The following EWSR1 variants were observed in gnomAD, a reference collection of about 807,000 sequenced individuals.
EWSR1 encodes EWS RNA binding protein 1, also known as RNA-binding protein EWS.
A neutral mutation model predicts 92.1 loss-of-function variants in EWSR1; 14 were observed. The observed-to-expected ratio is 0.15, with a 90% CI of 0.10 to 0.24. EWSR1 has a LOEUF of 0.24. EWSR1 is among the 10% of genes least tolerant of loss of function. The pLI is 1.00. For synonymous variants in EWSR1, 303 were observed against 292.9 expected (o/e 1.03, Z -0.35); for missense variants, 637 against 870.9 (o/e 0.73, Z 3.38).
At chr22:29,292,441 C>T (rs2060506021) in intron 10 of EWSR1, 47 bp from the exon 11 acceptor site, 1 of 1,285,554 alleles carries the variant, frequency 7.8e-7, no homozygotes, top group Admixed American at 1.7e-5. Context: ...TTAAGAAACC[C>T]CTATAGATAC....
chr22:29,292,161 T>G lies in EWSR1; in HGVS notation c.1037T>G (p.Leu346Arg). The G allele has an allele frequency of 6.2e-7, 1 of 1,614,022 alleles. No individual in the cohort carries two copies. The highest frequency in any genetic ancestry group is 1.1e-5 in the South Asian group (1 of 91,074). The change falls in exon 10 of 17, where the codon CTT becomes CGT. Residue 346 changes from leucine to arginine, a missense_variant. Physicochemically the swap from Leu to Arg is moderately radical, Grantham distance 102 (BLOSUM62 -2). Around this residue, in one of 5 missense-constraint regions of EWSR1, gnomAD observed 363 missense variants for 447.8 expected, o/e 0.81. Transcript: ENST00000397938. ...GGACCCATGGATGAAGGACCAGATC[T>G]TGATCTAGGTAATTTTGAATTCTAG... is the stretch of plus-strand genomic sequence containing the variant. ...PGGPMDEGPD[L>R]DLGPPVDPDE...
intron 7 of EWSR1, among the ~76,000 whole-genome samples, chr22:29,287,761 C>T (rs924267771): frequency 6.6e-6 from 1 of 152,158 alleles, no homozygotes; most frequent in African/African-American, 2.4e-5. Context: ...AATTCAACAT[C>T]GTTTTTGGCC....
At chr22:29,285,919 G>T (rs2059988447) in intron 6 of EWSR1, among the ~76,000 whole-genome samples, 1 of 152,146 alleles carries the variant, frequency 6.6e-6, no homozygotes, top group East Asian at 1.9e-4. Context: ...CTCACTGCAA[G>T]CTCCGCCTCC....
intron 6 of EWSR1, 106 bp downstream of exon 6, chr22:29,282,663 G>A (rs1204440801): frequency 2.2e-6 from 2 of 923,038 alleles, no homozygotes; most frequent in Non-Finnish European, 3.1e-6. Flanking sequence ...TTATCTGACT[G>A]TCGCAGTGAT....
Position 29,274,252 on chromosome 22 carries a change from G to A in EWSR1, c.226+388G>A, listed in dbSNP as rs1452986078. On this transcript the variant is annotated intron_variant, in intron 4 of 16. Coordinates refer to ENST00000397938, the MANE Select transcript of EWSR1 (RefSeq NM_005243.4). ...TAGTGTACCCTCTACTTTTTGTTTT[G>A]TGCTTTCCACAGTAGAAGGGACCAG... 3.1e-6 allele frequency: 5 copies of A among 1,612,526 alleles called. No individual in the cohort carries two copies. In the East Asian group the frequency reaches 8.9e-5, roughly 29 times the overall value.
Position 29,290,467 on chromosome 22 carries a change from AG to A in EWSR1, c.975-1094del, listed in dbSNP as rs745595399. ...CAATACTTAAAAAGTACCCGTACTC[AG>A]TACTCAGCCGGCAGCATAATGAAAA... On this transcript the variant is annotated intron_variant, in intron 8 of 16. Coordinates refer to ENST00000397938, the MANE Select transcript of EWSR1 (RefSeq NM_005243.4). The A allele has an allele frequency of 5.2e-5, 84 of 1,613,540 alleles. No homozygotes were observed. In the East Asian group the frequency reaches 1.7e-3, roughly 33 times the overall value.
At chr22:29,293,623 G>A (rs1242548092) in intron 11 of EWSR1, among the ~76,000 whole-genome samples, 1 of 152,204 alleles carries the variant, frequency 6.6e-6, no homozygotes, top group African/African-American at 2.4e-5. Flanking sequence ...GGAGTGCAGT[G>A]GCACGATCTC....
In EWSR1 at chr22:29,283,566, CCCA is replaced by C. The variant is rs1317577201; in HGVS notation, c.581+1010_581+1012del. Among the ~76,000 whole-genome samples, 139 of 151,388 alleles carry C rather than the reference CCCA, an allele frequency of 9.2e-4. 2 individuals carry two copies. Among genetic ancestry groups the C allele is most frequent in the Admixed American group, 2.8e-3 (43 of 15,282 alleles). ...TTGAGATGGAGTTTCGCTCTTGTTG[CCCA>C]GGCTGGAGTGCAATGGCACAATCTC... On this transcript the variant is annotated intron_variant, in intron 6 of 16. Coordinates refer to ENST00000397938, the MANE Select transcript of EWSR1 (RefSeq NM_005243.4).
chr22:29,283,351 C>T (rs2059761427), intron 6 of EWSR1, among the ~76,000 whole-genome samples: 2 of 152,068 alleles, frequency 1.3e-5, no homozygotes. Flanking sequence ...TTATTATTAT[C>T]GCCTGGCCAA....
intron 1 of EWSR1, among the ~76,000 whole-genome samples, chr22:29,268,852 G>A (rs1308295610): frequency 6.6e-6 from 1 of 152,230 alleles, no homozygotes; most frequent in Non-Finnish European, 1.5e-5. Flanking sequence ...GAGGGGTGCC[G>A]GCCTATGAGC....
chr22:29,299,350 A>G lies in EWSR1; in HGVS notation c.1678+19A>G, dbSNP rs1297736352. Reference sequence around the variant, plus strand: ...CCCCCGGGTAGGTGCAGGTTTCATGAGTGTCCCCTCAGCTTCCTGGTGCTA... The same window carrying G: ...CCCCCGGGTAGGTGCAGGTTTCATGGGTGTCCCCTCAGCTTCCTGGTGCTA... On this transcript the variant is annotated intron_variant, in intron 15 of 16. Coordinates refer to ENST00000397938, the MANE Select transcript of EWSR1 (RefSeq NM_005243.4). 1 of 1,608,082 alleles carries G rather than the reference A, an allele frequency of 6.2e-7. No individual in the cohort carries two copies. Among genetic ancestry groups the G allele is most frequent in the Non-Finnish European group, 8.5e-7 (1 of 1,175,376 alleles).
intron 11 of EWSR1, 45 bp from the exon 12 acceptor site, chr22:29,296,194 A>G (rs1266604155): frequency 1.9e-6 from 3 of 1,573,746 alleles, no homozygotes; most frequent in Non-Finnish European, 2.6e-6. Flanking sequence ...TTTCTCCCAA[A>G]TTAGTATATT....
At chr22:29,277,023 A>G in intron 4 of EWSR1, 1 of 230,626 alleles carries the variant, frequency 4.3e-6, no homozygotes, top group Non-Finnish European at 8.6e-6. Context: ...AAGGTACTCT[A>G]GTTAGGAGCT....
At chr22:29,296,039 G>A (rs2060833626) in intron 11 of EWSR1, 200 bp from the exon 12 acceptor site, 1 of 543,086 alleles carries the variant, frequency 1.8e-6, no homozygotes, top group Non-Finnish European at 3.2e-6. Flanking sequence ...CCACACTTTG[G>A]TCTACTTTGG....
rs2061241571 is a variant in EWSR1 at position 29,300,175 on chromosome 22, G to GCAGAGCTGC, written c.*15_*23dup. The GCAGAGCTGC allele has an allele frequency of 6.2e-7, 1 of 1,606,152 alleles. No homozygotes were observed. The highest frequency in any genetic ancestry group is 1.4e-5 in the African/African-American group (1 of 73,180). Reference sequence around the variant, plus strand: ...CGGCCCTACTAGATGCAGAGACCCCGCAGAGCTGCATTGACTACCAGATTT... The same window carrying GCAGAGCTGC: ...CGGCCCTACTAGATGCAGAGACCCCGCAGAGCTGCCAGAGCTGCATTGACTACCAGATTT... On this transcript the variant is annotated 3_prime_UTR_variant, in exon 17 of 17. Coordinates refer to ENST00000397938, the MANE Select transcript of EWSR1 (RefSeq NM_005243.4).
At position 29,299,721 on chromosome 22, in the gene EWSR1, G is replaced by A. The variant is rs2061188749; in HGVS notation, c.1801G>A (p.Gly601Ser). 3 of 1,612,524 alleles carry A rather than the reference G, an allele frequency of 1.9e-6. No individual in the cohort carries two copies. Among genetic ancestry groups the A allele is most frequent in the Non-Finnish European group, 2.5e-6 (3 of 1,179,212 alleles). Residue 601 changes from glycine to serine, a missense_variant, in exon 16 of 17, where the codon GGT becomes AGT. Transcript: ENST00000397938. ...GRGGDRGGFR[G>S]GRGMDRGGFG... ...TGGTGGAGACAGAGGTGGCTTCCGT[G>A]GTGGCCGGGGCATGGACCGAGGTGG...
chr22:29,284,253 C>T (rs2147247963), intron 6 of EWSR1, among the ~76,000 whole-genome samples: 1 of 151,554 alleles, frequency 6.6e-6, no homozygotes, highest in Admixed American at 6.5e-5. Flanking sequence ...TATGGGATTA[C>T]AGGTGTGAGC....
intron 6 of EWSR1, among the ~76,000 whole-genome samples, chr22:29,286,711 AAT>A (rs1491330367): frequency 4.9e-4 from 60 of 123,460 alleles, no homozygotes; most frequent in African/African-American, 1.0e-3. Flanking sequence ...AAAAAAAAAA[AAT>A]TTTTTTGTTT....
At chr22:29,281,321 T>C (rs112105844) in intron 5 of EWSR1, among the ~76,000 whole-genome samples, 3,165 of 151,114 alleles carry the variant, frequency 0.021, 54 homozygotes, top group African/African-American at 0.042. Flanking sequence ...GGCAGTTTGT[T>C]TTTTTTGAGA....
Sources: gnomAD v4.1 joint callset for allele counts (sites outside exome capture counted in the v4.1 genomes callset) on GRCh38, gnomAD v4.1.1 for gene constraint, gnomAD v4.1.1 regional missense constraint, MANE v1.5 for transcripts, NCBI Gene and HGNC (gene_info 2026-07-23, HGNC 2026-07-21) for gene names.